Variants in ZAR1 observed in about 807,000 individuals in gnomAD.
The protein encoded by ZAR1 is zygote arrest 1, also known as zygote arrest protein 1.
A neutral mutation model predicts 38.3 loss-of-function variants in ZAR1; 37 were observed. The observed-to-expected ratio is 0.97, with a 90% confidence interval of 0.74 to 1.27. The LOEUF is 1.27. Ranked by LOEUF, ZAR1 falls within the 50% of genes most tolerant of loss-of-function variation. ZAR1 has a pLI of 0.00. For synonymous variants in ZAR1, 336 were observed against 292.0 expected, an observed-to-expected ratio of 1.15 and a Z score of -1.53; for missense variants, 651 against 632.4, an observed-to-expected ratio of 1.03 and a Z score of -0.32.
intron 3 of ZAR1, 123 bp downstream of exon 3, chr4:48,493,135 A>G: frequency 1.2e-6 from 1 of 810,694 alleles, no homozygotes; most frequent in Non-Finnish European, 2.0e-6. Flanking sequence ...GGCTTTTGTT[A>G]GGAGTGGTAG....
chr4:48,493,559 G>A (rs1718502803), intron 3 of ZAR1, among the ~76,000 whole-genome samples: 1 of 152,238 alleles, frequency 6.6e-6, no homozygotes, highest in South Asian at 2.1e-4. Context: ...AAGGGGCTTA[G>A]CTAATCTTTA....
chr4:48,490,664 C>G lies in ZAR1; in HGVS notation c.373C>G (p.Arg125Gly). The change falls in exon 1 of 4, where the codon CGC becomes GGC. Residue 125 changes from arginine (R) to glycine (G), a missense_variant. Coordinates refer to ENST00000327939, the MANE Select transcript of ZAR1 (RefSeq NM_175619.3). ...CGCGGTACAGTGCTCGCTGGGGAGG[C>G]GCACGCTGCAGCGCCGGGCCCGCGA... ...DAAVQCSLGR[R>G]TLQRRARDPE... 7.5e-7 allele frequency: 1 copy of G among 1,332,272 alleles called. No individual in the cohort carries two copies. Among genetic ancestry groups the G allele is most frequent in the Non-Finnish European group, 9.5e-7 (1 of 1,047,750 alleles). 82.5% of individuals were successfully genotyped at this position (1,332,272 alleles called of 1,614,324 possible). A position where few individuals can be genotyped will look rare whatever the true frequency, so the allele number is the denominator to read the frequency against.
chr4:48,491,153 G>A lies in ZAR1; in HGVS notation c.862G>A (p.Gly288Arg), dbSNP rs1718430467. The stretch of plus-strand genomic sequence containing the variant: ...GAGCCCGGGGCAACCTCCGTCGGCG[G>A]GGAGGGCCCGAGACGGCGGCGACGG... ...LRSPGQPPSAGRARDGGDGRE... is the reference protein window; with the variant it reads ...LRSPGQPPSARRARDGGDGRE... The change falls in exon 1 of 4, where the codon GGG becomes AGG. Residue 288 changes from glycine (G) to arginine (R), a missense_variant. By Grantham distance (125) the Gly-to-Arg change is moderately radical. Transcript: ENST00000327939. 2.4e-6 allele frequency: 3 copies of A among 1,241,068 alleles called. No homozygotes were observed. The highest frequency in any genetic ancestry group is 3.8e-5 in the South Asian group (1 of 26,396). The allele number at this position is 1,241,068 out of a possible 1,614,324, so 76.9% of individuals were successfully genotyped here. A position where few individuals can be genotyped will look rare whatever the true frequency, so the allele number is the denominator to read the frequency against.
intron 1 of ZAR1, 50 bp from the exon 2 acceptor site, chr4:48,492,713 TGAA>T: frequency 2.6e-6 from 4 of 1,529,906 alleles, no homozygotes; most frequent in Non-Finnish European, 2.7e-6. Context: ...ACGTCTGAAA[TGAA>T]GGATAATTCA....
chr4:48,493,489 G>A (rs1718501292), intron 3 of ZAR1, among the ~76,000 whole-genome samples: 5 of 152,202 alleles, frequency 3.3e-5, no homozygotes, highest in Admixed American at 2.0e-4. Flanking sequence ...GACTATAATG[G>A]TAAGCAAGCA....
chr4:48,497,100 A>G (rs1194153801), downstream of ZAR1, among the ~76,000 whole-genome samples: 1 of 152,220 alleles, frequency 6.6e-6, no homozygotes, highest in Non-Finnish European at 1.5e-5. Context: ...AGCAGCATGA[A>G]GAAACTGCCG....
Position 48,494,285 on chromosome 4 carries a change from CGAGT to C in ZAR1, c.*45_*48del. On this transcript the variant is annotated 3_prime_UTR_variant, in exon 4 of 4. Transcript: ENST00000327939. ...GCTGTGCATGCGCTGATGGAGTAGACGAGTGAGCTTTTCCGTGCCTCTCCTCCAC... is the reference window on the plus strand; with the variant it reads ...GCTGTGCATGCGCTGATGGAGTAGACGAGCTTTTCCGTGCCTCTCCTCCAC... The C allele has an allele frequency of 6.2e-7, 1 of 1,603,144 alleles. No homozygotes were observed. Among genetic ancestry groups the C allele is most frequent in the Non-Finnish European group, 8.5e-7 (1 of 1,172,218 alleles).
Position 48,490,482 on chromosome 4 carries a change from C to G in ZAR1, c.191C>G (p.Pro64Arg). The G allele has an allele frequency of 1.4e-6, 2 of 1,469,438 alleles. No individual in the cohort carries two copies. Among genetic ancestry groups the G allele is most frequent in the Non-Finnish European group, 8.9e-7 (1 of 1,119,638 alleles). The allele number at this position is 1,469,438 out of a possible 1,614,324, so 91.0% of individuals were successfully genotyped here. ...CSAGAASLSFPGCGRLTAAEY... is the reference protein window; with the variant it reads ...CSAGAASLSFRGCGRLTAAEY... ...GCGGGCGCGGCCTCGTTGTCCTTCC[C>G]GGGCTGCGGGCGGCTGACGGCCGCC... Residue 64 changes from proline to arginine, a missense_variant, in exon 1 of 4, where the codon CCG becomes CGG. Physicochemically the swap from Pro to Arg is moderately radical, Grantham distance 103. This residue lies in a region of ZAR1 where 522 missense variants were observed against 459.9 expected (regional missense o/e 1.14). Transcript: ENST00000327939.
At chr4:48,492,598 A>G (rs1288482785) in intron 1 of ZAR1, among the ~76,000 whole-genome samples, 168 bp from the exon 2 acceptor site, 2 of 152,226 alleles carry the variant, frequency 1.3e-5, no homozygotes, top group Non-Finnish European at 2.9e-5. Context: ...TGACTAGGCT[A>G]TTAAGCTCAC....
chr4:48,490,777 G>A lies in ZAR1; in HGVS notation c.486G>A (p.Gln162=). ...AGCCATCCCGTCGAGGCCTGGAGCA[G>A]GGCAGCCCCCAGAACGGCGCCCCGC... ...SQQPSRRGLE[Q]GSPQNGAPRP... Residue 162 remains glutamine, a synonymous_variant, in exon 1 of 4, where the codon CAG becomes CAA. Coordinates refer to ENST00000327939, the MANE Select transcript of ZAR1 (RefSeq NM_175619.3). 5 of 1,498,986 alleles carry A rather than the reference G, an allele frequency of 3.3e-6. No homozygotes were observed. The highest frequency in any genetic ancestry group is 3.5e-6 in the Non-Finnish European group (4 of 1,131,302). The allele number at this position is 1,498,986 out of a possible 1,614,324, so 92.9% of individuals were successfully genotyped here. A position where few individuals can be genotyped will look rare whatever the true frequency, so the allele number is the denominator to read the frequency against.
chr4:48,490,591 G>A lies in ZAR1; in HGVS notation c.300G>A (p.Arg100=), dbSNP rs1183023797. The change falls in exon 1 of 4, where the codon AGG becomes AGA. Residue 100 remains arginine (R), a synonymous_variant. Coordinates refer to ENST00000327939, the MANE Select transcript of ZAR1 (RefSeq NM_175619.3). ...VGPGLGPRAR[R]AGSCDVAVQV... ...CGGGTCTCGGGCCGCGCGCCCGCAG[G>A]GCCGGCAGCTGCGACGTGGCGGTGC... 1.4e-6 allele frequency: 2 copies of A among 1,382,424 alleles called. No individual in the cohort carries two copies. Among genetic ancestry groups the A allele is most frequent in the Non-Finnish European group, 1.9e-6 (2 of 1,078,886 alleles). The allele number at this position is 1,382,424 out of a possible 1,614,324, so 85.6% of individuals were successfully genotyped here.
At chr4:48,491,475 G>C (rs745443996) in intron 1 of ZAR1, among the ~76,000 whole-genome samples, 1 of 152,220 alleles carries the variant, frequency 6.6e-6, no homozygotes, top group Admixed American at 6.5e-5. Flanking sequence ...GCTGCTCCAC[G>C]GGCTGGCCAG....
Position 48,491,144 on chromosome 4 carries a change from C to G in ZAR1, c.853C>G (p.Pro285Ala). Reference protein sequence around the residue: ...RSALRSPGQPPSAGRARDGGD... With the variant: ...RSALRSPGQPASAGRARDGGD... ...GGCGCTAAGGAGCCCGGGGCAACCT[C>G]CGTCGGCGGGGAGGGCCCGAGACGG... The change falls in exon 1 of 4, where the codon CCG becomes GCG. Residue 285 changes from proline (P) to alanine (A), a missense_variant. This residue lies in a region of ZAR1 where 522 missense variants were observed against 459.9 expected (regional missense o/e 1.14). Transcript: ENST00000327939. The G allele has an allele frequency of 2.4e-6, 3 of 1,241,710 alleles. No individual in the cohort carries two copies. Among genetic ancestry groups the G allele is most frequent in the Non-Finnish European group, 3.0e-6 (3 of 994,508 alleles). The allele number at this position is 1,241,710 out of a possible 1,614,324, so 76.9% of individuals were successfully genotyped here.
downstream of ZAR1, among the ~76,000 whole-genome samples, chr4:48,496,978 AATG>A (rs1000984887): frequency 2.0e-5 from 3 of 152,204 alleles, no homozygotes; most frequent in African/African-American, 7.2e-5. Context: ...GAAAGCATGT[AATG>A]ATTTCCTAAA....
rs529231171 is a variant in ZAR1 at position 48,493,442 on chromosome 4, T to TA, written c.1131+432dup. The stretch of plus-strand genomic sequence containing the variant: ...CCTGAAAGCTCACAAAGGGACAGTT[T>TA]AAGATAAATCTAAGTTGTCTAGCTT... On this transcript the variant is annotated intron_variant, in intron 3 of 3. Transcript: ENST00000327939. 7.9e-4 allele frequency among the ~76,000 whole-genome samples: 121 copies of TA among 152,348 alleles called. 1 individual carries two copies. Among genetic ancestry groups the TA allele is most frequent in the African/African-American group, 2.8e-3 (118 of 41,586 alleles).
intron 1 of ZAR1, among the ~76,000 whole-genome samples, chr4:48,491,867 C>T (rs1321174813): frequency 4.6e-5 from 7 of 152,222 alleles, no homozygotes; most frequent in African/African-American, 1.4e-4. Context: ...TGCCCGAGGG[C>T]AGCAGGCTGA....
rs754055736 is a variant in ZAR1, at chr4:48,492,990, G to T, written c.1109G>T (p.Arg370Leu). 1.2e-6 allele frequency: 2 copies of T among 1,614,142 alleles called. No homozygotes were observed. The highest frequency in any genetic ancestry group is 1.7e-6 in the Non-Finnish European group (2 of 1,180,026). Residue 370 changes from arginine to leucine, a missense_variant, in exon 3 of 4, where the codon CGA becomes CTA. Physicochemically the swap from Arg to Leu is moderately radical, Grantham distance 102. Coordinates refer to ENST00000327939, the MANE Select transcript of ZAR1 (RefSeq NM_175619.3). ...TGTCAGAAGTCTTATAACCCTTACC[G>T]AGTGGAGGATATCACCTGTCAAGTA... ...RTCQKSYNPY[R>L]VEDITCQSCK...
Position 48,490,864 on chromosome 4 carries a change from C to A in ZAR1, c.573C>A (p.Thr191=). Residue 191 remains threonine, a synonymous_variant, in exon 1 of 4, where the codon ACC becomes ACA. Transcript: ENST00000327939. The part of the protein sequence containing the change: ...VYSPLALRRL[T]AFLEGPGPAA... ...CGCCCCTGGCCTTGCGCCGTCTCACCGCCTTCCTGGAGGGGCCCGGGCCCG... is the reference window on the plus strand; with the variant it reads ...CGCCCCTGGCCTTGCGCCGTCTCACAGCCTTCCTGGAGGGGCCCGGGCCCG... 6.8e-7 allele frequency: 1 copy of A among 1,461,424 alleles called. No individual in the cohort carries two copies. The highest frequency in any genetic ancestry group is 9.0e-7 in the Non-Finnish European group (1 of 1,111,486). 90.5% of individuals were successfully genotyped at this position (1,461,424 alleles called of 1,614,324 possible).
rs774772725 is a variant in ZAR1, at chr4:48,490,594, C to A, written c.303C>A (p.Ala101=). 4.3e-6 allele frequency: 6 copies of A among 1,379,826 alleles called. No individual in the cohort carries two copies. The highest frequency in any genetic ancestry group is 2.4e-4 in the Middle Eastern group (1 of 4,112). 85.5% of individuals were successfully genotyped at this position (1,379,826 alleles called of 1,614,324 possible). A position where few individuals can be genotyped will look rare whatever the true frequency, so the allele number is the denominator to read the frequency against. The change falls in exon 1 of 4, where the codon GCC becomes GCA. Residue 101 remains alanine, a synonymous_variant. Transcript: ENST00000327939. ...GPGLGPRARR[A]GSCDVAVQVS... ...GTCTCGGGCCGCGCGCCCGCAGGGC[C>A]GGCAGCTGCGACGTGGCGGTGCAGG...
Sources: gnomAD v4.1 joint callset for allele counts (sites outside exome capture counted in the v4.1 genomes callset) on GRCh38, gnomAD v4.1.1 for gene constraint, gnomAD v4.1.1 regional missense constraint, MANE v1.5 for transcripts, NCBI Gene and HGNC (gene_info 2026-07-23, HGNC 2026-07-21) for gene names.